ZNF25: variants seen among roughly 807,000 people sequenced by gnomAD.
The protein encoded by ZNF25 is zinc finger protein 25, also known as zinc finger protein 25 (KOX 19).
A neutral mutation model predicts 30.9 loss-of-function variants in ZNF25; 21 were observed. The ratio of observed to expected loss-of-function variants is 0.68; its 90% CI spans 0.48 to 0.98. The LOEUF (loss-of-function observed/expected upper bound fraction) is 0.98. Among genes scored for constraint, ZNF25 ranks in the 50% least tolerant of loss-of-function variants. ZNF25 has a pLI of 0.00. For synonymous variants in ZNF25, 169 were observed against 181.3 expected (o/e 0.93, Z 0.55); for missense variants, 501 against 529.9 (o/e 0.95, Z 0.54).
At position 37,952,763 on chromosome 10, in the gene ZNF25, G is replaced by A. The variant is rs1256568626; in HGVS notation, c.735C>T (p.Leu245=). ...CGKFFYVKAY[L]MVHQKTHTGE... is the part of the protein sequence containing the mutation. ...CTGTGTGTGTTTTCTGATGTACCAT[G>A]AGGTATGCCTTCACATAGAAGAACT... The change falls in exon 6 of 6, where the codon CTC becomes CTT. Residue 245 remains leucine (L), a synonymous_variant. Transcript: ENST00000302609. 6.2e-7 allele frequency: 1 copy of A among 1,613,872 alleles called. No individual in the cohort carries two copies. The highest frequency in any genetic ancestry group is 1.3e-5 in the African/African-American group (1 of 74,858).
Position 37,965,240 on chromosome 10 carries a change from T to C in ZNF25, c.15+6468A>G, listed in dbSNP as rs145599377. ...CCCCACAGAGAAACTACTAGGGCAATGTTGAGGGGAAATGTGGGGTTGGAG... is the reference window on the plus strand; with the variant it reads ...CCCCACAGAGAAACTACTAGGGCAACGTTGAGGGGAAATGTGGGGTTGGAG... On this transcript the variant is annotated intron_variant, in intron 2 of 5. Coordinates refer to ENST00000302609, the MANE Select transcript of ZNF25 (RefSeq NM_145011.4). 9.3e-3 allele frequency among the ~76,000 whole-genome samples: 1,407 copies of C among 151,858 alleles called. 22 individuals carry two copies. The highest frequency in any genetic ancestry group is 0.032 in the African/African-American group (1,346 of 41,432).
At chr10:37,958,502 G>T (rs544583417) in intron 2 of ZNF25, among the ~76,000 whole-genome samples, 1 of 152,262 alleles carries the variant, frequency 6.6e-6, no homozygotes, top group South Asian at 2.1e-4. Flanking sequence ...AAAGTCAAGG[G>T]ACAGGACAAG....
At chr10:37,961,426 G>GA (rs1445443730) in intron 2 of ZNF25, among the ~76,000 whole-genome samples, 1 of 151,978 alleles carries the variant, frequency 6.6e-6, no homozygotes, top group Non-Finnish European at 1.5e-5. Context: ...AAAAGACAAA[G>GA]AAAAAATGCC....
chr10:37,961,751 G>A (rs779440492), intron 2 of ZNF25, among the ~76,000 whole-genome samples: 12 of 149,706 alleles, frequency 8.0e-5, no homozygotes, highest in Non-Finnish European at 1.8e-4. Context: ...GAAAAACCCC[G>A]TCTCTATTAA....
At position 37,952,177 on chromosome 10, in the gene ZNF25, G is replaced by A. The variant is rs199662133; in HGVS notation, c.1321C>T (p.Leu441Phe). The A allele has an allele frequency of 1.2e-6, 2 of 1,607,382 alleles. No individual in the cohort carries two copies. Among genetic ancestry groups the A allele is most frequent in the Admixed American group, 3.4e-5 (2 of 58,756 alleles). ...CGETFIQKSQ[L>F]TAHQKTHTKK... ...GTGTGTGTCTTCTGATGTGCAGTGA[G>A]TTGTGACTTCTGGATAAAGGTTTCC... Residue 441 changes from leucine to phenylalanine, a missense_variant, in exon 6 of 6, where the codon CTC becomes TTC. Physicochemically the swap from Leu to Phe is conservative, Grantham distance 22 (BLOSUM62 0). Coordinates refer to ENST00000302609, the MANE Select transcript of ZNF25 (RefSeq NM_145011.4).
chr10:37,970,627 A>T (rs906265388), intron 2 of ZNF25, among the ~76,000 whole-genome samples: 4 of 152,196 alleles, frequency 2.6e-5, no homozygotes, highest in Non-Finnish European at 5.9e-5. Context: ...AAACAAAACA[A>T]AACAAAATTC....
Position 37,953,704 on chromosome 10 carries a change from C to T in ZNF25, c.293G>A (p.Gly98Glu), listed in dbSNP as rs1270594501. 1.2e-6 allele frequency: 2 copies of T among 1,613,928 alleles called. No individual in the cohort carries two copies. The highest frequency in any genetic ancestry group is 2.2e-5 in the East Asian group (1 of 44,864). Residue 98 changes from glycine (G) to glutamate (E), a missense_variant, in exon 5 of 6, where the codon GGA becomes GAA. By Grantham distance (98) the Gly-to-Glu change is moderately conservative (BLOSUM62 -2). Coordinates refer to ENST00000302609, the MANE Select transcript of ZNF25 (RefSeq NM_145011.4). The part of the protein sequence containing the change: ...LEARYQESQA[G>E]NSRNGELTKH... ...TAATTCTTGAACTTGCCTTGAATTT[C>T]CAGCTTGGCTTTCCTGGTATCTTGC...
chr10:37,952,093 GATTA>G lies in ZNF25; in HGVS notation c.*30_*33del, dbSNP rs1314465898. ...TGTGAATTATCTGATTGTTTTGAAG[GATTA>G]ATTCAGTCAAGAGAATTTCCCAACT... is the stretch of plus-strand genomic sequence containing the variant. On this transcript the variant is annotated 3_prime_UTR_variant, in exon 6 of 6. Coordinates refer to ENST00000302609, the MANE Select transcript of ZNF25 (RefSeq NM_145011.4). 7 of 1,514,746 alleles carry G rather than the reference GATTA, an allele frequency of 4.6e-6. No homozygotes were observed. Among genetic ancestry groups the G allele is most frequent in the Non-Finnish European group, 5.3e-6 (6 of 1,128,376 alleles). 93.8% of individuals were successfully genotyped at this position (1,514,746 alleles called of 1,614,324 possible).
Position 37,952,575 on chromosome 10 carries a change from T to G in ZNF25, c.923A>C (p.His308Pro). ...NSHLKTHQRS[H>P]TGEKPYECKE... ...ACATTCATAGGGTTTCTCTCCTGTG[T>G]GACTTCTCTGATGAGTTTTGAGGTG... The change falls in exon 6 of 6, where the codon CAC becomes CCC. Residue 308 changes from histidine to proline, a missense_variant. Coordinates refer to ENST00000302609, the MANE Select transcript of ZNF25 (RefSeq NM_145011.4). 1 of 1,614,038 alleles carries G rather than the reference T, an allele frequency of 6.2e-7. No homozygotes were observed. Among genetic ancestry groups the G allele is most frequent in the Non-Finnish European group, 8.5e-7 (1 of 1,179,984 alleles).
At chr10:37,953,322 G>T in intron 5 of ZNF25, 127 bp from the exon 6 acceptor site, 2 of 827,400 alleles carry the variant, frequency 2.4e-6, no homozygotes, top group Non-Finnish European at 3.7e-6. Context: ...CATATTTACT[G>T]GATCCATAGG....
chr10:37,972,208 G>C (rs2063531275), intron 1 of ZNF25, among the ~76,000 whole-genome samples: 1 of 151,998 alleles, frequency 6.6e-6, no homozygotes, highest in Non-Finnish European at 1.5e-5. Context: ...ATAAACCCAA[G>C]GTTAGAAAGT....
intron 2 of ZNF25, among the ~76,000 whole-genome samples, chr10:37,964,517 T>C (rs2063076581): frequency 1.3e-5 from 2 of 152,224 alleles, no homozygotes; most frequent in African/African-American, 4.8e-5. Flanking sequence ...TGTTTTGTCC[T>C]GGCACAGAGC....
intron 3 of ZNF25, 96 bp downstream of exon 3, chr10:37,957,324 G>A (rs1590210567): frequency 2.1e-6 from 3 of 1,443,864 alleles, no homozygotes; most frequent in Middle Eastern, 1.8e-4. Context: ...CATAGATAAT[G>A]TCAATCATTC....
At chr10:37,973,463 A>C (rs947017804) in intron 1 of ZNF25, among the ~76,000 whole-genome samples, 9 of 151,138 alleles carry the variant, frequency 6.0e-5, no homozygotes, top group African/African-American at 2.2e-4. Context: ...TAAAAATACA[A>C]AAAAAATTAC....
rs1240495932 is a variant in ZNF25, at chr10:37,952,260, A to T, written c.1238T>A (p.Phe413Tyr). Residue 413 changes from phenylalanine to tyrosine, a missense_variant, in exon 6 of 6, where the codon TTT becomes TAT. Physicochemically the swap from Phe to Tyr is conservative, Grantham distance 22. Coordinates refer to ENST00000302609, the MANE Select transcript of ZNF25 (RefSeq NM_145011.4). ...TGTGTGTTTTCTCTGATGTATAATAAAATGTGACTTCTGAGAAAAGGACTT... is the reference window on the plus strand; with the variant it reads ...TGTGTGTTTTCTCTGATGTATAATATAATGTGACTTCTGAGAAAAGGACTT... ...CGKSFSQKSH[F>Y]IIHQRKHTGE... 1 of 1,613,846 alleles carries T rather than the reference A, an allele frequency of 6.2e-7. No homozygotes were observed. The highest frequency in any genetic ancestry group is 2.2e-5 in the East Asian group (1 of 44,840).
chr10:37,963,056 CT>C (rs59727394), intron 2 of ZNF25, among the ~76,000 whole-genome samples: 67,338 of 149,262 alleles, frequency 0.45, 15,364 homozygotes, highest in East Asian at 0.55. Flanking sequence ...ACTCTAGAAT[CT>C]TTTTTTTTTT....
chr10:37,974,685 C>T (rs1191073992), intron 1 of ZNF25, among the ~76,000 whole-genome samples: 10 of 152,190 alleles, frequency 6.6e-5, no homozygotes, highest in African/African-American at 2.2e-4. Context: ...AGTACAGCCA[C>T]TGTGGAAAAC....
At chr10:37,969,016 C>T (rs1037082557) in intron 2 of ZNF25, among the ~76,000 whole-genome samples, 69 of 151,970 alleles carry the variant, frequency 4.5e-4, no homozygotes, top group African/African-American at 1.7e-3. Context: ...CAGAAAAAAG[C>T]ACAATAGAAG....
At chr10:37,971,479 T>C (rs2245081) in intron 2 of ZNF25, among the ~76,000 whole-genome samples, 133,371 of 152,068 alleles carry the variant, frequency 0.88, 58,622 homozygotes, top group South Asian at 0.94. Flanking sequence ...ACCTCATAGA[T>C]CCCTTGAGAG....
Sources: gnomAD v4.1 joint callset for allele counts (sites outside exome capture counted in the v4.1 genomes callset) on GRCh38, gnomAD v4.1.1 for gene constraint, MANE v1.5 for transcripts, NCBI Gene and HGNC (gene_info 2026-07-23, HGNC 2026-07-21) for gene names.